CRYBG1: variants seen among roughly 807,000 people sequenced by gnomAD.
CRYBG1 encodes beta/gamma crystallin domain-containing protein 1.
In CRYBG1, 139 loss-of-function variants were observed where a neutral mutation model predicts 189.2. The observed-to-expected ratio is 0.73, with a 90% confidence interval of 0.64 to 0.85. The LOEUF (loss-of-function observed/expected upper bound fraction) is 0.85, where lower values mean the gene tolerates loss of function less well. Ranked by LOEUF, CRYBG1 falls within the 40% of genes least tolerant of loss-of-function variation. The probability of loss-of-function intolerance (pLI) is 0.00; values close to 1 mark genes in which losing one functional copy is unlikely to be tolerated. For missense variants in CRYBG1, 2,611 were observed against 2,675.8 expected (o/e 0.98, Z 0.53); for synonymous variants, 1,023 against 1,017.1 (o/e 1.01, Z -0.11).
chr6:106,396,596 A>C (rs35530260), intron 1 of CRYBG1, among the ~76,000 whole-genome samples: 12,060 of 152,302 alleles, frequency 0.079, 633 homozygotes, highest in East Asian at 0.15. Context: ...GGTCAAGTTT[A>C]ATGGTTTTGC....
At chr6:106,426,188 G>T (rs1364775401) in intron 1 of CRYBG1, among the ~76,000 whole-genome samples, 1 of 152,012 alleles carries the variant, frequency 6.6e-6, no homozygotes, top group Non-Finnish European at 1.5e-5. Flanking sequence ...TTCTCCTATT[G>T]TTATGGATGT....
In CRYBG1 at chr6:106,520,907, G is replaced by A. The variant is rs1318748584; in HGVS notation, c.3699G>A (p.Lys1233=). Residue 1233 remains lysine, a synonymous_variant, in exon 4 of 22, where the codon AAG becomes AAA. Coordinates refer to ENST00000633556, the MANE Select transcript of CRYBG1 (RefSeq NM_001371242.2). ...ENRDVTNGGI[K]RSRLEKSALF... Reference sequence around the variant, plus strand: ...GGGACGTCACAAATGGTGGCATTAAGAGATCGAGACTAGAAAAAAGTGCAC... The same window carrying A: ...GGGACGTCACAAATGGTGGCATTAAAAGATCGAGACTAGAAAAAAGTGCAC... 1.2e-6 allele frequency: 2 copies of A among 1,614,074 alleles called. No homozygotes were observed. The highest frequency in any genetic ancestry group is 1.3e-5 in the African/African-American group (1 of 74,926).
intron 2 of CRYBG1, among the ~76,000 whole-genome samples, chr6:106,483,160 T>C (rs1582788514): frequency 6.6e-6 from 1 of 152,070 alleles, no homozygotes; most frequent in African/African-American, 2.4e-5. Flanking sequence ...CCAATCTCTG[T>C]CAGCCACTGT....
intron 1 of CRYBG1, among the ~76,000 whole-genome samples, chr6:106,379,845 G>T (rs1182101928): frequency 2.0e-5 from 3 of 152,148 alleles, no homozygotes; most frequent in African/African-American, 7.2e-5. Flanking sequence ...CTCCCAACAT[G>T]CTGGGATTAC....
intron 13 of CRYBG1, among the ~76,000 whole-genome samples, chr6:106,549,296 A>G (rs1395808633): frequency 1.3e-5 from 2 of 152,210 alleles, no homozygotes. Flanking sequence ...TCACCTGGTC[A>G]GCCCGGGGAC....
At chr6:106,462,965 G>T (rs576304999) in intron 2 of CRYBG1, among the ~76,000 whole-genome samples, 42 of 152,290 alleles carry the variant, frequency 2.8e-4, no homozygotes, top group African/African-American at 9.9e-4. Context: ...ACCAGCCTGG[G>T]CAATAAGCAA....
At chr6:106,362,358 G>A (rs1206135844) in intron 1 of CRYBG1, among the ~76,000 whole-genome samples, 1 of 152,078 alleles carries the variant, frequency 6.6e-6, no homozygotes, top group African/African-American at 2.4e-5. Flanking sequence ...CATGTACTGC[G>A]ATATAAAAAA....
At chr6:106,509,773 GA>G (rs1407974887) in intron 2 of CRYBG1, among the ~76,000 whole-genome samples, 1 of 152,016 alleles carries the variant, frequency 6.6e-6, no homozygotes, top group Non-Finnish European at 1.5e-5. Context: ...GGCAGGAGGC[GA>G]CTTGGATTTG....
chr6:106,524,708 A>G (rs1773693701), intron 4 of CRYBG1, among the ~76,000 whole-genome samples: 2 of 152,222 alleles, frequency 1.3e-5, no homozygotes, highest in Non-Finnish European at 2.9e-5. Flanking sequence ...ATGGATTCAG[A>G]TAGGGTATGT....
intron 2 of CRYBG1, among the ~76,000 whole-genome samples, chr6:106,487,956 A>G (rs6901858): frequency 0.42 from 63,545 of 151,908 alleles, 15,041 homozygotes; most frequent in East Asian, 0.69. Context: ...AGTGGCTTCT[A>G]TAGGAAGAGG....
chr6:106,385,822 G>A (rs761354292), intron 1 of CRYBG1, among the ~76,000 whole-genome samples: 36 of 152,086 alleles, frequency 2.4e-4, no homozygotes, highest in South Asian at 4.1e-4. Flanking sequence ...CATGACAAAC[G>A]TTCTTAGCAG....
At chr6:106,551,161 C>T (rs557766854) in intron 13 of CRYBG1, among the ~76,000 whole-genome samples, 30 of 152,124 alleles carry the variant, frequency 2.0e-4, no homozygotes, top group Admixed American at 3.3e-4. Context: ...GTCCCCAGGG[C>T]CTATTTTTTT....
At chr6:106,416,581 T>C (rs556933917) in intron 1 of CRYBG1, among the ~76,000 whole-genome samples, 17 of 152,354 alleles carry the variant, frequency 1.1e-4, no homozygotes, top group Admixed American at 5.9e-4. Flanking sequence ...TATTGCCCAA[T>C]GTTCTCCAAT....
chr6:106,417,617 T>C (rs1358924480), intron 1 of CRYBG1, among the ~76,000 whole-genome samples: 2 of 152,256 alleles, frequency 1.3e-5, no homozygotes, highest in Non-Finnish European at 2.9e-5. Flanking sequence ...GAATATCTTA[T>C]TGACACAGGA....
rs112663290 is a variant in CRYBG1 at position 106,555,391 on chromosome 6, A to G, written c.5586-377A>G. Reference sequence around the variant, plus strand: ...GGAAGGAAATCAATAGACCAAATCAATAGGCCTTGGTGATTAACTAGTCAC... The same window carrying G: ...GGAAGGAAATCAATAGACCAAATCAGTAGGCCTTGGTGATTAACTAGTCAC... On this transcript the variant is annotated intron_variant, in intron 16 of 21. Transcript: ENST00000633556. 5.4e-3 allele frequency among the ~76,000 whole-genome samples: 823 copies of G among 152,170 alleles called. 9 individuals carry two copies. Among genetic ancestry groups the G allele is most frequent in the African/African-American group, 0.019 (780 of 41,502 alleles).
chr6:106,362,972 G>A (rs1490210072), intron 1 of CRYBG1, among the ~76,000 whole-genome samples: 1 of 151,926 alleles, frequency 6.6e-6, no homozygotes, highest in African/African-American at 2.4e-5. Flanking sequence ...GAGGCCGGGC[G>A]CGGTGGCTCA....
intron 1 of CRYBG1, among the ~76,000 whole-genome samples, chr6:106,434,736 A>G (rs980296932): frequency 1.2e-4 from 19 of 152,358 alleles, no homozygotes; most frequent in African/African-American, 4.3e-4. Flanking sequence ...GGCTCTTCCA[A>G]TAAAACTCTA....
rs538014309 is a variant in CRYBG1 at position 106,492,210 on chromosome 6, T to G, written c.313-19220T>G. Among the ~76,000 whole-genome samples the G allele has an allele frequency of 9.2e-5, 14 of 152,366 alleles. No individual in the cohort carries two copies. The South Asian group carries it at 2.9e-3, about 32-fold the overall frequency. On this transcript the variant is annotated intron_variant, in intron 2 of 21. Transcript: ENST00000633556. The stretch of plus-strand genomic sequence containing the variant: ...TTAGTGGTTGTTTTATAGACAAGCC[T>G]ATAAGCTTCTAGATGTCAAAATAAG...
At chr6:106,457,779 T>C (rs1255163368) in intron 2 of CRYBG1, among the ~76,000 whole-genome samples, 1 of 152,116 alleles carries the variant, frequency 6.6e-6, no homozygotes, top group Non-Finnish European at 1.5e-5. Flanking sequence ...CTTAAATCTC[T>C]CTGCCTTTCC....
Sources: gnomAD v4.1 joint callset for allele counts (sites outside exome capture counted in the v4.1 genomes callset) on GRCh38, gnomAD v4.1.1 for gene constraint, MANE v1.5 for transcripts, NCBI Gene and HGNC (gene_info 2026-07-23, HGNC 2026-07-21) for gene names.